Variants in DMD observed in about 807,000 individuals in gnomAD.
The protein encoded by DMD is dystrophin.
Under a neutral mutation model 330.1 loss-of-function variants are expected in DMD, and 63 were observed. That is an observed-to-expected ratio of 0.19 (90% CI 0.16 to 0.24). The LOEUF (loss-of-function observed/expected upper bound fraction) is 0.24. Among genes scored for constraint, DMD ranks in the 10% least tolerant of loss-of-function variants. The pLI is 1.00. For synonymous variants in DMD, 1,223 were observed against 959.8 expected, an observed-to-expected ratio of 1.27 and a Z score of -5.07; for missense variants, 3,344 against 2,684.1, an observed-to-expected ratio of 1.25 and a Z score of -5.43.
chrX:33,202,669 C>A (rs1366479740), intron 1 of DMD, among the ~76,000 whole-genome samples: 1 of 111,740 alleles, frequency 8.9e-6, no homozygotes, highest in Non-Finnish European at 1.9e-5. Context: ...CTCTGTATGT[C>A]CATACTCTTA....
intron 13 of DMD, among the ~76,000 whole-genome samples, chrX:32,583,943 G>A (rs2053940755): frequency 9.0e-6 from 1 of 111,208 alleles, no homozygotes; most frequent in East Asian, 2.8e-4. Context: ...AAACATAACA[G>A]AAAATATTGA....
chrX:31,731,666 AT>A (rs1272824856), intron 51 of DMD, among the ~76,000 whole-genome samples: 3 of 111,795 alleles, frequency 2.7e-5, no homozygotes, highest in African/African-American at 9.7e-5. Flanking sequence ...TATATTCGGT[AT>A]AGTGTGTAAC....
intron 44 of DMD, among the ~76,000 whole-genome samples, chrX:32,100,604 G>T (rs1317558204): frequency 1.8e-5 from 2 of 110,762 alleles, no homozygotes; most frequent in Non-Finnish European, 3.8e-5. Context: ...TATATCTCTT[G>T]CTATCTGTCA....
intron 55 of DMD, among the ~76,000 whole-genome samples, chrX:31,573,220 T>C (rs1485438593): frequency 8.9e-6 from 1 of 111,915 alleles, no homozygotes; most frequent in Non-Finnish European, 1.9e-5. Flanking sequence ...AGTATTTATA[T>C]TTATTTTCCT....
intron 2 of DMD, among the ~76,000 whole-genome samples, chrX:32,863,575 A>ACACACACACACAC (rs746034767): frequency 3.3e-4 from 23 of 69,991 alleles, no homozygotes; most frequent in African/African-American, 1.5e-3. Context: ...CACACACACA[A>ACACACACACACAC]ATACACACAT....
intron 1 of DMD, among the ~76,000 whole-genome samples, chrX:33,098,635 C>T (rs1367897367): frequency 1.8e-5 from 2 of 111,731 alleles, no homozygotes; most frequent in African/African-American, 6.5e-5. Context: ...AAACAGAATG[C>T]TTGTTCCCTG....
intron 1 of DMD, among the ~76,000 whole-genome samples, chrX:33,096,958 C>G (rs1169837428): frequency 8.9e-6 from 1 of 111,928 alleles, no homozygotes; most frequent in Non-Finnish European, 1.9e-5. Flanking sequence ...ATTATAATGT[C>G]CAGAATATTC....
At chrX:32,324,850 TG>T (rs767640123) in intron 41 of DMD, among the ~76,000 whole-genome samples, 1 of 111,828 alleles carries the variant, frequency 8.9e-6, no homozygotes, top group Non-Finnish European at 1.9e-5. Flanking sequence ...CCTATTTACT[TG>T]GGACATCAAA....
chrX:31,346,894 G>A (rs1033995111), intron 61 of DMD, among the ~76,000 whole-genome samples: 1 of 104,619 alleles, frequency 9.6e-6, no homozygotes, highest in African/African-American at 3.5e-5. Context: ...CCAGCTACTC[G>A]GGAGGCTGAG....
At chrX:31,317,612 C>T (rs1046620848) in intron 62 of DMD, among the ~76,000 whole-genome samples, 4 of 106,405 alleles carry the variant, frequency 3.8e-5, no homozygotes, top group South Asian at 4.3e-4. Context: ...CCCGGGTTTA[C>T]GCCATTCTCC....
At chrX:32,256,479 T>C (rs1038534793) in intron 43 of DMD, among the ~76,000 whole-genome samples, 3 of 111,248 alleles carry the variant, frequency 2.7e-5, no homozygotes, top group Non-Finnish European at 5.7e-5. Flanking sequence ...TGCCAGTCTG[T>C]GTCTTTTAAT....
chrX:32,265,544 C>G (rs1011753683), intron 43 of DMD, among the ~76,000 whole-genome samples: 2 of 111,461 alleles, frequency 1.8e-5, no homozygotes, highest in South Asian at 3.7e-4. Flanking sequence ...AGGGCTTGAT[C>G]CACCGTGTGC....
chrX:31,326,432 G>A (rs1055870306), intron 61 of DMD, among the ~76,000 whole-genome samples: 2 of 110,103 alleles, frequency 1.8e-5, no homozygotes, highest in African/African-American at 3.3e-5. Flanking sequence ...TGTCTTATGT[G>A]TAGCCATCAA....
chrX:33,209,929 A>T (rs989376375), intron 1 of DMD, among the ~76,000 whole-genome samples: 2 of 109,956 alleles, frequency 1.8e-5, no homozygotes, highest in Non-Finnish European at 3.8e-5. Flanking sequence ...TATATATATA[A>T]AATCACTAGT....
chrX:31,976,761 G>A (rs1294675104), intron 44 of DMD, among the ~76,000 whole-genome samples: 1 of 111,723 alleles, frequency 9.0e-6, no homozygotes, highest in African/African-American at 3.2e-5. Flanking sequence ...ACAGAATTAA[G>A]CTTGTTCCTT....
intron 7 of DMD, among the ~76,000 whole-genome samples, chrX:32,747,611 C>T (rs1446896234): frequency 9.0e-6 from 1 of 111,656 alleles, no homozygotes; most frequent in African/African-American, 3.3e-5. Flanking sequence ...CCTCAGCGTC[C>T]CGAATAGTTA....
At chrX:32,880,600 TTAACTACAGTGCCAGGTATA>T (rs1260263229) in intron 2 of DMD, among the ~76,000 whole-genome samples, 2 of 112,663 alleles carry the variant, frequency 1.8e-5, no homozygotes, top group African/African-American at 6.4e-5. Context: ...ATGCCATCTC[TTAACTACAGTGCCAGGTATA>T]TGGCAGAATC....
intron 11 of DMD, among the ~76,000 whole-genome samples, chrX:32,617,775 A>C (rs901277927): frequency 1.8e-5 from 2 of 111,466 alleles, no homozygotes; most frequent in African/African-American, 6.5e-5. Flanking sequence ...AAAAATTAAC[A>C]GAGTAAAGAG....
upstream of DMD, among the ~76,000 whole-genome samples, chrX:33,211,843 G>T (rs996494345): frequency 8.9e-6 from 1 of 112,360 alleles, no homozygotes; most frequent in Non-Finnish European, 1.9e-5. Flanking sequence ...ACTTTCATGT[G>T]AATTTATTAA....
Sources: gnomAD v4.1 joint callset for allele counts (sites outside exome capture counted in the v4.1 genomes callset) on GRCh38, gnomAD v4.1.1 for gene constraint, MANE v1.5 for transcripts, NCBI Gene and HGNC (gene_info 2026-07-23, HGNC 2026-07-21) for gene names.